Variants in TNS3 observed in about 807,000 individuals in gnomAD.
TNS3 encodes the protein tensin-3.
Under a neutral mutation model 140.9 loss-of-function variants are expected in TNS3, and 45 were observed. The ratio of observed to expected loss-of-function variants is 0.32; its 90% CI spans 0.25 to 0.41. The LOEUF (loss-of-function observed/expected upper bound fraction) is 0.41, where lower values mean the gene tolerates loss of function less well. TNS3 is among the 10% of genes least tolerant of loss of function. The pLI is 1.00. For synonymous variants in TNS3, 815 were observed against 788.4 expected (o/e 1.03, Z -0.56); for missense variants, 1,716 against 1,906.7 (o/e 0.90, Z 1.86).
Position 47,368,729 on chromosome 7 carries a change from ACTG to A in TNS3, c.1914_1916del (p.Ser639del), listed in dbSNP as rs1485053207. 1.9e-6 allele frequency: 3 copies of A among 1,578,602 alleles called. No homozygotes were observed. The South Asian group carries it at 3.5e-5, about 19-fold the overall frequency. On this transcript the variant is annotated inframe_deletion, in exon 17 of 31. Coordinates refer to ENST00000311160, the MANE Select transcript of TNS3 (RefSeq NM_022748.12). ...CTACACCCCTCTGGACAGCCACCCT[ACTG>A]CTGGTCCCTCGGGTGGGGGTGAGTG...
intron 24 of TNS3, 99 bp from the exon 25 acceptor site, chr7:47,293,927 G>C: frequency 9.0e-7 from 1 of 1,110,752 alleles, no homozygotes; most frequent in Non-Finnish European, 1.3e-6. Context: ...CAGTTGAAAA[G>C]GCTCTTCTCT....
intron 27 of TNS3, among the ~76,000 whole-genome samples, chr7:47,290,486 T>C (rs1313121160): frequency 6.6e-6 from 1 of 152,074 alleles, no homozygotes; most frequent in Non-Finnish European, 1.5e-5. Context: ...ACACCAAGAA[T>C]TCCCAAAATT....
chr7:47,451,400 C>T (rs142682251), intron 4 of TNS3, among the ~76,000 whole-genome samples: 222 of 152,136 alleles, frequency 1.5e-3, no homozygotes, highest in African/African-American at 4.6e-3. Flanking sequence ...GCCAACATGG[C>T]GAAATCCTGT....
intron 1 of TNS3, among the ~76,000 whole-genome samples, chr7:47,569,051 G>A (rs903957633): frequency 3.3e-5 from 5 of 152,232 alleles, no homozygotes; most frequent in Non-Finnish European, 7.3e-5. Context: ...CTTCAGGCAC[G>A]AAGCCTATGT....
At position 47,303,291 on chromosome 7, in the gene TNS3, G is replaced by C. The variant is rs765801384; in HGVS notation, c.3116C>G (p.Ala1039Gly). Residue 1039 changes from alanine (A) to glycine (G), a missense_variant, in exon 22 of 31, where the codon GCC becomes GGC. Transcript: ENST00000311160. ...SGLPPEEDLG[A>G]LLANSHGASP... Reference sequence around the variant, plus strand: ...CGCTCCATGAGAATTGGCCAGCAAGGCCCCCAGGTCCTCCTCGGGCGGAAG... The same window carrying C: ...CGCTCCATGAGAATTGGCCAGCAAGCCCCCCAGGTCCTCCTCGGGCGGAAG... 5 of 1,613,614 alleles carry C rather than the reference G, an allele frequency of 3.1e-6. No individual in the cohort carries two copies. Among genetic ancestry groups the C allele is most frequent in the Middle Eastern group, 1.7e-4 (1 of 6,056 alleles).
intron 4 of TNS3, chr7:47,470,710 A>T: frequency 1.0e-6 from 1 of 958,202 alleles, no homozygotes; most frequent in Non-Finnish European, 1.2e-6. Flanking sequence ...CCTGCAGCCC[A>T]GGCCTCCTAG....
At chr7:47,490,443 AG>A (rs1797768502) in intron 3 of TNS3, among the ~76,000 whole-genome samples, 1 of 152,236 alleles carries the variant, frequency 6.6e-6, no homozygotes, top group Non-Finnish European at 1.5e-5. Context: ...TCTTCTGTAA[AG>A]GAACTCTGCC....
At chr7:47,386,926 C>T (rs544670191) in intron 16 of TNS3, among the ~76,000 whole-genome samples, 1 of 152,350 alleles carries the variant, frequency 6.6e-6, no homozygotes, top group African/African-American at 2.4e-5. Flanking sequence ...AAGGAACACA[C>T]CCACTAGTCT....
At chr7:47,542,274 G>A (rs1799808879) in intron 1 of TNS3, among the ~76,000 whole-genome samples, 1 of 152,236 alleles carries the variant, frequency 6.6e-6, no homozygotes, top group South Asian at 2.1e-4. Flanking sequence ...AGCGCCACCT[G>A]TGATTCAGAG....
Position 47,573,967 on chromosome 7 carries a change from T to TTA in TNS3, c.-265+8082_-265+8083dup, listed in dbSNP as rs1800616029. Among the ~76,000 whole-genome samples, 2 of 152,124 alleles carry TTA rather than the reference T, an allele frequency of 1.3e-5. 1 individual carries two copies. Among genetic ancestry groups the TTA allele is most frequent in the South Asian group, 4.2e-4 (2 of 4,810 alleles). On this transcript the variant is annotated intron_variant, in intron 1 of 30. Transcript: ENST00000311160. ...TGGGGAAGGCATTATGGGGAGGGCA[T>TTA]TATGGCTGCACTTCAAGGACTGATC...
intron 2 of TNS3, among the ~76,000 whole-genome samples, chr7:47,528,706 T>C (rs1584817158): frequency 6.6e-6 from 1 of 152,204 alleles, no homozygotes; most frequent in East Asian, 1.9e-4. Context: ...ATTCGCAAAC[T>C]TGAGTAACAG....
chr7:47,367,098 C>T (rs1790750140), intron 17 of TNS3, among the ~76,000 whole-genome samples: 1 of 152,214 alleles, frequency 6.6e-6, no homozygotes, highest in Admixed American at 6.5e-5. Flanking sequence ...GGTCCTGGTC[C>T]TTGCATGGCA....
intron 8 of TNS3, among the ~76,000 whole-genome samples, chr7:47,433,775 T>C (rs1413165754): frequency 1.3e-5 from 2 of 152,178 alleles, no homozygotes; most frequent in East Asian, 1.9e-4. Context: ...TGGGCAATGA[T>C]GATCCATCAA....
chr7:47,432,454 T>C (rs184234374), intron 8 of TNS3, among the ~76,000 whole-genome samples: 17 of 152,324 alleles, frequency 1.1e-4, no homozygotes, highest in Middle Eastern at 3.4e-3. Context: ...CCTATAAATA[T>C]TAATATAAGA....
chr7:47,408,304 C>T (rs937660503), intron 13 of TNS3, among the ~76,000 whole-genome samples: 1 of 152,192 alleles, frequency 6.6e-6, no homozygotes, highest in Non-Finnish European at 1.5e-5. Flanking sequence ...TCCACCACAC[C>T]CCTTCCAAGT....
rs1195199187 is a variant in TNS3, at chr7:47,389,109, C to CAGAAGCAGA, written c.1024+7690_1024+7691insTCTGCTTCT. ...GAGGAAGAGGAAGAGGAAGCGGAAG[C>CAGAAGCAGA]AGAAGAAGAAGAAGAAGAAGAAGAA... On this transcript the variant is annotated intron_variant, in intron 16 of 30. Transcript: ENST00000311160. 3.2e-4 allele frequency among the ~76,000 whole-genome samples: 19 copies of CAGAAGCAGA among 59,140 alleles called. 4 individuals are homozygous for CAGAAGCAGA. The highest frequency in any genetic ancestry group is 1.3e-3 in the South Asian group (2 of 1,510). 38.8% of individuals were successfully genotyped at this position (59,140 alleles called of 152,430 possible). A position where few individuals can be genotyped will look rare whatever the true frequency, so the allele number is the denominator to read the frequency against.
chr7:47,556,894 A>G, intron 1 of TNS3: 1 of 382,950 alleles, frequency 2.6e-6, no homozygotes, highest in Non-Finnish European at 5.2e-6. Context: ...GGCGATTCTC[A>G]ATGCAACGGT....
intron 27 of TNS3, among the ~76,000 whole-genome samples, 184 bp downstream of exon 27, chr7:47,291,771 C>T (rs1409496879): frequency 6.6e-6 from 1 of 152,152 alleles, no homozygotes; most frequent in Non-Finnish European, 1.5e-5. Flanking sequence ...CCCATGAAGG[C>T]CTTGCTGATG....
At chr7:47,524,212 T>C (rs1418291314) in intron 2 of TNS3, among the ~76,000 whole-genome samples, 4 of 152,278 alleles carry the variant, frequency 2.6e-5, no homozygotes, top group African/African-American at 7.2e-5. Flanking sequence ...GACCAGGCCC[T>C]TTCACGTACA....
Sources: gnomAD v4.1 joint callset for allele counts (sites outside exome capture counted in the v4.1 genomes callset) on GRCh38, gnomAD v4.1.1 for gene constraint, MANE v1.5 for transcripts, NCBI Gene and HGNC (gene_info 2026-07-23, HGNC 2026-07-21) for gene names.